TMEM116: variants seen among roughly 807,000 people sequenced by gnomAD.
The protein encoded by TMEM116 is transmembrane protein 116.
Under a neutral mutation model 44.3 loss-of-function variants are expected in TMEM116, and 38 were observed. The observed-to-expected ratio is 0.86, with a 90% CI of 0.66 to 1.12. The LOEUF (loss-of-function observed/expected upper bound fraction) is 1.12. Ranked by LOEUF, TMEM116 falls within the 50% of genes most tolerant of loss-of-function variation. The pLI, the probability that TMEM116 is intolerant of heterozygous loss-of-function variation, is 0.00. For synonymous variants in TMEM116, 132 were observed against 144.8 expected (o/e 0.91, Z 0.64); for missense variants, 354 against 401.7 (o/e 0.88, Z 1.01).
Position 111,931,515 on chromosome 12 carries a change from A to C in TMEM116, c.*106T>G. On this transcript the variant is annotated 3_prime_UTR_variant, in exon 11 of 11. Transcript: ENST00000552374. ...GCACTATATTTCCTTTGAGTTCTGCAGTTTAGGGCATAGTTAGAAAAGATT... is the reference window on the plus strand; with the variant it reads ...GCACTATATTTCCTTTGAGTTCTGCCGTTTAGGGCATAGTTAGAAAAGATT... 9.4e-7 allele frequency: 1 copy of C among 1,062,892 alleles called. No homozygotes were observed. The allele number at this position is 1,062,892 out of a possible 1,614,324, so 65.8% of individuals were successfully genotyped here.
intron 4 of TMEM116, among the ~76,000 whole-genome samples, chr12:111,954,141 T>C (rs896663148): frequency 2.6e-5 from 4 of 152,110 alleles, no homozygotes; most frequent in Admixed American, 6.6e-5. Flanking sequence ...CATTAGAAGA[T>C]CCTAAAAAAT....
Position 111,931,568 on chromosome 12 carries a change from C to T in TMEM116, c.*53G>A. ...AGATGTCCTTTCCCAACATTCTTTC[C>T]AATCCATTAGCGTAGAATAACTCCA... On this transcript the variant is annotated 3_prime_UTR_variant, in exon 11 of 11. Coordinates refer to ENST00000552374, the MANE Select transcript of TMEM116 (RefSeq NM_001193531.2). The T allele has an allele frequency of 6.5e-7, 1 of 1,541,120 alleles. No homozygotes were observed. Among genetic ancestry groups the T allele is most frequent in the African/African-American group, 1.4e-5 (1 of 73,352 alleles).
intron 4 of TMEM116, among the ~76,000 whole-genome samples, chr12:111,957,058 G>C (rs1348845002): frequency 1.3e-5 from 2 of 151,958 alleles, no homozygotes; most frequent in African/African-American, 4.8e-5. Context: ...ACCCCGTCTA[G>C]GAAGTGAGGA....
Position 111,991,750 on chromosome 12 carries a change from G to C in TMEM116, c.210+8C>G, listed in dbSNP as rs1565950773. On this transcript the variant is annotated splice_region_variant and intron_variant, in intron 4 of 10. Coordinates refer to ENST00000552374, the MANE Select transcript of TMEM116 (RefSeq NM_001193531.2). ...TGCAAGGTGCAGTGACAGTCTTGTAGCACTCACCTGTCCAACTGCTTGTAG... is the reference window on the plus strand; with the variant it reads ...TGCAAGGTGCAGTGACAGTCTTGTACCACTCACCTGTCCAACTGCTTGTAG... 1.3e-6 allele frequency: 2 copies of C among 1,533,890 alleles called. No individual in the cohort carries two copies. The highest frequency in any genetic ancestry group is 1.7e-6 in the Non-Finnish European group (2 of 1,145,684).
chr12:112,003,865 T>C lies in TMEM116; in HGVS notation c.15-2A>G. On this transcript the variant is annotated splice_acceptor_variant, in intron 2 of 10. Transcript: ENST00000552374. LOFTEE classifies it high-confidence loss of function. ...ATAAGTGAACTTGAACCTATAACAC[T>C]GAGAAATTTAGAAGATGATTGATCA... The C allele has an allele frequency of 6.7e-7, 1 of 1,497,232 alleles. No individual in the cohort carries two copies. The highest frequency in any genetic ancestry group is 8.8e-7 in the Non-Finnish European group (1 of 1,134,064). The allele number at this position is 1,497,232 out of a possible 1,614,324, so 92.7% of individuals were successfully genotyped here.
intron 4 of TMEM116, among the ~76,000 whole-genome samples, chr12:111,963,386 T>C (rs543783932): frequency 6.6e-6 from 1 of 152,208 alleles, no homozygotes; most frequent in East Asian, 1.9e-4. Flanking sequence ...ATGTTTATTG[T>C]GGCACTATTC....
intron 4 of TMEM116, among the ~76,000 whole-genome samples, chr12:111,978,558 A>AG (rs1283348806): frequency 6.6e-6 from 1 of 152,154 alleles, no homozygotes; most frequent in Non-Finnish European, 1.5e-5. Flanking sequence ...CCCAAAGGTG[A>AG]GGCATTTAGA....
intron 5 of TMEM116, among the ~76,000 whole-genome samples, chr12:111,940,130 G>A (rs963445113): frequency 6.6e-5 from 10 of 151,624 alleles, no homozygotes; most frequent in African/African-American, 1.9e-4. Context: ...AAAATTAGCC[G>A]GGTGTGGTGG....
At chr12:112,007,392 T>A (rs2136747215) in intron 1 of TMEM116, among the ~76,000 whole-genome samples, 1 of 152,244 alleles carries the variant, frequency 6.6e-6, no homozygotes, top group African/African-American at 2.4e-5. Flanking sequence ...CCAGCCTGGA[T>A]GACAGAGCGA....
chr12:111,990,924 T>TAAATAAATAATAAAAAATAAAA (rs2076525946), intron 4 of TMEM116, among the ~76,000 whole-genome samples: 1 of 152,110 alleles, frequency 6.6e-6, no homozygotes, highest in East Asian at 1.9e-4. Flanking sequence ...AAACAGGTTA[T>TAAATAAATAATAAAAAATAAAA]AAAAAGTATT....
rs199977734 is a variant in TMEM116 at position 111,940,474 on chromosome 12, T to TACACACACACACACAC, written c.316-2265_316-2264insGTGTGTGTGTGTGTGT. ...ATCTCCTGCCCCCCACATATATATA[T>TACACACACACACACAC]ATACATACACACACACACACACACA... On this transcript the variant is annotated intron_variant, in intron 5 of 10. Coordinates refer to ENST00000552374, the MANE Select transcript of TMEM116 (RefSeq NM_001193531.2). Among the ~76,000 whole-genome samples, 538 of 106,962 alleles carry TACACACACACACACAC rather than the reference T, an allele frequency of 5.0e-3. 5 individuals are homozygous for TACACACACACACACAC. The highest frequency in any genetic ancestry group is 0.016 in the African/African-American group (385 of 24,198). The allele number at this position is 106,962 out of a possible 152,430, so 70.2% of individuals were successfully genotyped here.
Position 111,975,161 on chromosome 12 carries a change from T to C in TMEM116, c.210+16597A>G, listed in dbSNP as rs76632106. On this transcript the variant is annotated intron_variant, in intron 4 of 10. Coordinates refer to ENST00000552374, the MANE Select transcript of TMEM116 (RefSeq NM_001193531.2). ...GAACTGACAAGCGATATCTGTTTTT[T>C]TGAGACAGAGTCTTGCTCTCCTACC... is the stretch of plus-strand genomic sequence containing the variant. 7.4e-3 allele frequency among the ~76,000 whole-genome samples: 1,129 copies of C among 152,348 alleles called. 13 individuals are homozygous for C. Among genetic ancestry groups the C allele is most frequent in the African/African-American group, 0.026 (1,093 of 41,572 alleles).
At position 111,956,544 on chromosome 12, in the gene TMEM116, C is replaced by T. The variant is rs1461084762; in HGVS notation, c.211-13175G>A. ...GCATGGTCCTCGTCTCCCCTTTGCA[C>T]GGTCTCCCTCTAATGCCGAGCCGAG... On this transcript the variant is annotated intron_variant, in intron 4 of 10. Transcript: ENST00000552374. Among the ~76,000 whole-genome samples, 8 of 152,296 alleles carry T rather than the reference C, an allele frequency of 5.3e-5. No homozygotes were observed. In the East Asian group the frequency reaches 7.7e-4, roughly 15 times the overall value.
intron 3 of TMEM116, among the ~76,000 whole-genome samples, chr12:112,002,232 G>A (rs1311229181): frequency 6.6e-6 from 1 of 151,870 alleles, no homozygotes; most frequent in African/African-American, 2.4e-5. Context: ...GGAGGTCCAG[G>A]CAGGTGGATC....
Position 112,013,063 on chromosome 12 carries a change from T to C in TMEM116, c.-95A>G, listed in dbSNP as rs1334248933. On this transcript the variant is annotated 5_prime_UTR_variant, in exon 1 of 11. Transcript: ENST00000552374. ...GCCCAAAGGCAGGAAGAAACGATGG[T>C]AGGCCTTGTCATCTTCGAAGGAGAG... 2 of 176,928 alleles carry C rather than the reference T, an allele frequency of 1.1e-5. No individual in the cohort carries two copies. The highest frequency in any genetic ancestry group is 2.4e-5 in the Non-Finnish European group (2 of 82,864). The allele number at this position is 176,928 out of a possible 1,614,324, so 11.0% of individuals were successfully genotyped here. A position where few individuals can be genotyped will look rare whatever the true frequency, so the allele number is the denominator to read the frequency against.
At chr12:111,932,285 A>G (rs954144976) in intron 10 of TMEM116, among the ~76,000 whole-genome samples, 3 of 152,194 alleles carry the variant, frequency 2.0e-5, no homozygotes, top group African/African-American at 7.2e-5. Context: ...AATGTTTCAT[A>G]AGAACATACC....
intron 4 of TMEM116, among the ~76,000 whole-genome samples, chr12:111,945,199 C>G (rs753621888): frequency 3.3e-5 from 5 of 150,832 alleles, no homozygotes; most frequent in Non-Finnish European, 7.4e-5. Flanking sequence ...CAAAAATTAG[C>G]CAGGCATGGT....
intron 4 of TMEM116, among the ~76,000 whole-genome samples, chr12:111,953,617 T>C (rs544676468): frequency 6.6e-6 from 1 of 152,356 alleles, no homozygotes; most frequent in African/African-American, 2.4e-5. Flanking sequence ...GATATCTGCC[T>C]AACAACTGCC....
At chr12:111,989,400 A>C (rs2076412905) in intron 4 of TMEM116, among the ~76,000 whole-genome samples, 1 of 152,218 alleles carries the variant, frequency 6.6e-6, no homozygotes, top group Non-Finnish European at 1.5e-5. Context: ...CTGTGTATTA[A>C]TCCAAACAAG....
Sources: allele counts gnomAD v4.1 joint callset (sites outside exome capture counted in the v4.1 genomes callset), GRCh38; gene constraint gnomAD v4.1.1; transcripts MANE v1.5; gene names NCBI Gene and HGNC (gene_info 2026-07-23, HGNC 2026-07-21).